ZNF286A: variants seen among roughly 807,000 people sequenced by gnomAD.
The protein encoded by ZNF286A is zinc finger protein ZNF286.
In ZNF286A, 34 loss-of-function variants were observed where a neutral mutation model predicts 49.3. The observed-to-expected ratio is 0.69, with a 90% CI of 0.52 to 0.92. The LOEUF is 0.92. Among genes scored for constraint, ZNF286A ranks in the 40% least tolerant of loss-of-function variants. The pLI, the probability that ZNF286A is intolerant of heterozygous loss-of-function variation, is 0.00. For missense variants in ZNF286A, 462 were observed against 600.2 expected (o/e 0.77, Z 2.41); for synonymous variants, 155 against 200.4 (o/e 0.77, Z 1.91).
At chr17:15,704,748 T>C (rs879028684) in intron 3 of ZNF286A, 1 of 1,614,030 alleles carries the variant, frequency 6.2e-7, no homozygotes, top group Non-Finnish European at 8.5e-7. Context: ...ATGGGGTCCC[T>C]TCAGGGCCCT....
Position 15,701,203 on chromosome 17 carries a change from G to C in ZNF286A, c.89G>C (p.Gly30Ala). 1 of 1,614,148 alleles carries C rather than the reference G, an allele frequency of 6.2e-7. No individual in the cohort carries two copies. The highest frequency in any genetic ancestry group is 1.3e-5 in the African/African-American group (1 of 75,056). Residue 30 changes from glycine (G) to alanine (A), a missense_variant, in exon 3 of 6, where the codon GGA becomes GCA. By Grantham distance (60) the Gly-to-Ala change is moderately conservative. Transcript: ENST00000583566. ...TTCCAAGAGAAGAGCACAGAAGAGG[G>C]AGAAGTGGCTGCTCTGCGCCTCACG... ...PHFQEKSTEE[G>A]EVAALRLTAR...
In ZNF286A at chr17:15,716,099, G is replaced by T. The variant is rs764514923; in HGVS notation, c.375G>T (p.Val125=). ...CACAGAGCAAGGATTCAACTTCAGT[G>T]CAAGATTTTTCCAAAGCAGAATCAT... ...TRPQSKDSTS[V]QDFSKAESCK... is the part of the protein sequence containing the mutation. The change falls in exon 6 of 6, where the codon GTG becomes GTT. Residue 125 remains valine, a synonymous_variant. Coordinates refer to ENST00000583566, the MANE Select transcript of ZNF286A (RefSeq NM_001130842.2). The T allele has an allele frequency of 1.1e-5, 18 of 1,613,754 alleles. No individual in the cohort carries two copies. Among genetic ancestry groups the T allele is most frequent in the Non-Finnish European group, 1.5e-5 (18 of 1,179,824 alleles).
chr17:15,706,664 A>T (rs1036886976), intron 4 of ZNF286A, among the ~76,000 whole-genome samples, 163 bp downstream of exon 4: 1 of 152,178 alleles, frequency 6.6e-6, no homozygotes, highest in African/African-American at 2.4e-5. Context: ...ATTCTTGATG[A>T]AATGTCTGTG....
chr17:15,707,220 C>CACGAGG (rs1990295766), intron 4 of ZNF286A, among the ~76,000 whole-genome samples: 1 of 151,760 alleles, frequency 6.6e-6, no homozygotes, highest in Non-Finnish European at 1.5e-5. Flanking sequence ...GCGGGTGGAT[C>CACGAGG]ACGAGGTCAG....
intron 3 of ZNF286A, chr17:15,704,299 C>A (rs1393929338): frequency 3.1e-6 from 5 of 1,609,902 alleles, no homozygotes; most frequent in Non-Finnish European, 4.2e-6. Flanking sequence ...ATCGCGCTCG[C>A]CAGCATGCTT....
intron 4 of ZNF286A, among the ~76,000 whole-genome samples, chr17:15,707,850 G>A (rs1476458137): frequency 1.3e-5 from 2 of 152,070 alleles, no homozygotes; most frequent in African/African-American, 2.4e-5. Flanking sequence ...ACTAAGTCCA[G>A]CAGGACGGTG....
rs538371259 is a variant in ZNF286A at position 15,704,246 on chromosome 17, G to A, written c.127-2141G>A. 2.0e-4 allele frequency: 323 copies of A among 1,603,200 alleles called. No homozygotes were observed. In the African/African-American group the frequency reaches 3.8e-3, roughly 19 times the overall value. On this transcript the variant is annotated intron_variant, in intron 3 of 5. Transcript: ENST00000583566. ...AAGAGAGCCCACTACAGCCGCCGCAGCGCCCGCTTCTTGTCCGTCTTTTTC... is the reference window on the plus strand; with the variant it reads ...AAGAGAGCCCACTACAGCCGCCGCAACGCCCGCTTCTTGTCCGTCTTTTTC...
intron 5 of ZNF286A, among the ~76,000 whole-genome samples, chr17:15,709,227 C>T (rs991618438): frequency 2.7e-5 from 4 of 149,440 alleles, no homozygotes; most frequent in South Asian, 4.4e-4. Context: ...TGGTGACTCA[C>T]GCCTGTAATC....
At position 15,716,721 on chromosome 17, in the gene ZNF286A, A is replaced by T. The variant is rs1030159086; in HGVS notation, c.997A>T (p.Lys333Ter). ...ACCTTATGAATGCAATGAATGTGGG[A>T]AAGGTTTTAATCGAAGTACACATCT... ...ERPYECNECG[K>*]GFNRSTHLVQ... The change falls in exon 6 of 6, where the codon AAA becomes TAA. Residue 333 changes from lysine (K) to a stop codon, truncating the protein, a stop_gained. Coordinates refer to ENST00000583566, the MANE Select transcript of ZNF286A (RefSeq NM_001130842.2). LOFTEE classifies it high-confidence loss of function. 3.7e-6 allele frequency: 6 copies of T among 1,613,850 alleles called. No individual in the cohort carries two copies. The highest frequency in any genetic ancestry group is 5.1e-6 in the Non-Finnish European group (6 of 1,179,874).
At chr17:15,705,379 C>T (rs1034616662) in intron 3 of ZNF286A, among the ~76,000 whole-genome samples, 1 of 151,502 alleles carries the variant, frequency 6.6e-6, no homozygotes, top group Non-Finnish European at 1.5e-5. Context: ...TTTCTCTTTT[C>T]CTTTGTTTTT....
intron 5 of ZNF286A, among the ~76,000 whole-genome samples, chr17:15,710,815 A>T (rs1263106416): frequency 6.6e-6 from 1 of 152,104 alleles, no homozygotes; most frequent in Non-Finnish European, 1.5e-5. Context: ...GTGATCTGTT[A>T]AGAGGTCCTT....
chr17:15,715,997 C>T (rs1967028364), intron 5 of ZNF286A, 62 bp from the exon 6 acceptor site: 1 of 1,609,016 alleles, frequency 6.2e-7, no homozygotes. Flanking sequence ...TTACCTATTA[C>T]AGAACTGCCT....
At chr17:15,705,332 T>C (rs1177937015) in intron 3 of ZNF286A, among the ~76,000 whole-genome samples, 1 of 152,200 alleles carries the variant, frequency 6.6e-6, no homozygotes, top group Non-Finnish European at 1.5e-5. Flanking sequence ...TGTCTTATTT[T>C]TCTCTTTTTA....
At position 15,719,138 on chromosome 17, in the gene ZNF286A, CAAA is replaced by C. The variant is rs372793188; in HGVS notation, c.*1863_*1865del. On this transcript the variant is annotated 3_prime_UTR_variant, in exon 6 of 6. Coordinates refer to ENST00000583566, the MANE Select transcript of ZNF286A (RefSeq NM_001130842.2). Reference sequence around the variant, plus strand: ...TACAGATCTAAACTGTATCATTACTCAAAAAAAAAAAAAAAAAGAAAGAAAAGA... The same window carrying C: ...TACAGATCTAAACTGTATCATTACTCAAAAAAAAAAAAAAGAAAGAAAAGA... 2.5e-3 allele frequency: 176 copies of C among 69,854 alleles called. 17 individuals are homozygous for C. The highest frequency in any genetic ancestry group is 9.2e-3 in the African/African-American group (153 of 16,596). The allele number at this position is 69,854 out of a possible 1,614,324, so 4.3% of individuals were successfully genotyped here. A position where few individuals can be genotyped will look rare whatever the true frequency, so the allele number is the denominator to read the frequency against.
intron 3 of ZNF286A, among the ~76,000 whole-genome samples, chr17:15,706,132 G>A (rs1406333295): frequency 3.3e-5 from 5 of 152,116 alleles, no homozygotes; most frequent in Admixed American, 2.6e-4. Context: ...AAAAATTGTA[G>A]TCTCTCAATG....
At position 15,701,228 on chromosome 17, in the gene ZNF286A, G is replaced by T; in HGVS notation, c.114G>T (p.Thr38=). Reference sequence around the variant, plus strand: ...GAGAAGTGGCTGCTCTGCGCCTCACGGCCAGATCCCAGGTGAGTGAGTGCT... The same window carrying T: ...GAGAAGTGGCTGCTCTGCGCCTCACTGCCAGATCCCAGGTGAGTGAGTGCT... ...EEGEVAALRL[T]ARSQETVTFK... The change falls in exon 3 of 6, where the codon ACG becomes ACT. Residue 38 remains threonine, a synonymous_variant. Coordinates refer to ENST00000583566, the MANE Select transcript of ZNF286A (RefSeq NM_001130842.2). 1 of 1,614,034 alleles carries T rather than the reference G, an allele frequency of 6.2e-7. No homozygotes were observed. Among genetic ancestry groups the T allele is most frequent in the Non-Finnish European group, 8.5e-7 (1 of 1,180,016 alleles).
intron 5 of ZNF286A, among the ~76,000 whole-genome samples, chr17:15,715,802 T>C (rs1031315883): frequency 3.3e-5 from 5 of 152,208 alleles, no homozygotes; most frequent in South Asian, 2.1e-4. Flanking sequence ...TATTGCTTCA[T>C]TGGCATCTCT....
chr17:15,708,205 C>T lies in ZNF286A; in HGVS notation c.292C>T (p.Pro98Ser). 1 of 1,595,550 alleles carries T rather than the reference C, an allele frequency of 6.3e-7. No individual in the cohort carries two copies. Residue 98 changes from proline (P) to serine (S), a missense_variant, in exon 5 of 6, where the codon CCA becomes TCA. This residue lies in a region of ZNF286A where 259 missense variants were observed against 272.2 expected (regional missense o/e 0.95). Coordinates refer to ENST00000583566, the MANE Select transcript of ZNF286A (RefSeq NM_001130842.2). ...ESYNLENGKE[P>S]LKLERKAPKS... Reference sequence around the variant, plus strand: ...CTACAACTTGGAGAATGGAAAAGAACCATTGAAGCTTGAGAGAAAAGCCCC... The same window carrying T: ...CTACAACTTGGAGAATGGAAAAGAATCATTGAAGCTTGAGAGAAAAGCCCC...
Position 15,701,230 on chromosome 17 carries a change from C to T in ZNF286A, c.116C>T (p.Ala39Val). The T allele has an allele frequency of 6.2e-7, 1 of 1,614,024 alleles. No homozygotes were observed. The highest frequency in any genetic ancestry group is 1.1e-5 in the South Asian group (1 of 91,072). The change falls in exon 3 of 6, where the codon GCC becomes GTC. Residue 39 changes from alanine to valine, a missense_variant. Physicochemically the swap from Ala to Val is moderately conservative, Grantham distance 64. Around this residue, in one of 3 missense-constraint regions of ZNF286A, gnomAD observed 259 missense variants for 272.2 expected, o/e 0.95. Coordinates refer to ENST00000583566, the MANE Select transcript of ZNF286A (RefSeq NM_001130842.2). ...GAAGTGGCTGCTCTGCGCCTCACGG[C>T]CAGATCCCAGGTGAGTGAGTGCTGA... Reference protein sequence around the residue: ...EGEVAALRLTARSQETVTFKD... With the variant: ...EGEVAALRLTVRSQETVTFKD...
Sources: allele counts gnomAD v4.1 joint callset (sites outside exome capture counted in the v4.1 genomes callset), GRCh38; gene constraint gnomAD v4.1.1; regional missense constraint gnomAD v4.1.1; transcripts MANE v1.5; gene names NCBI Gene and HGNC (gene_info 2026-07-23, HGNC 2026-07-21).